ZNF567: variants seen among roughly 807,000 people sequenced by gnomAD.
ZNF567 encodes zinc finger protein 567.
In ZNF567, 36 loss-of-function variants were observed where a neutral mutation model predicts 53.9. The ratio of observed to expected loss-of-function variants is 0.67; its 90% confidence interval spans 0.51 to 0.88. ZNF567 has a LOEUF of 0.88. Ranked by LOEUF, ZNF567 falls within the 40% of genes least tolerant of loss-of-function variation. ZNF567 has a pLI of 0.00. For synonymous variants in ZNF567, 224 were observed against 260.4 expected (o/e 0.86, Z 1.35); for missense variants, 619 against 764.7 (o/e 0.81, Z 2.25).
intron 2 of ZNF567, among the ~76,000 whole-genome samples, chr19:36,693,525 T>G (rs2038727869): frequency 1.3e-5 from 2 of 152,176 alleles, no homozygotes; most frequent in African/African-American, 4.8e-5. Flanking sequence ...ATGTCAAAAC[T>G]TCCTTACATT....
chr19:36,680,834 T>C, the ZNF567 span, among the ~76,000 whole-genome samples: 4 of 152,180 alleles, frequency 2.6e-5, no homozygotes, highest in African/African-American at 7.2e-5. Flanking sequence ...CTGCCTCTTC[T>C]TCCTCTGTCT....
At chr19:36,722,840 ATAG>A (rs780481465), downstream of ZNF567, among the ~76,000 whole-genome samples, 13 of 152,334 alleles carry the variant, frequency 8.5e-5, no homozygotes, top group East Asian at 3.9e-4. Context: ...TTTAGACTTG[ATAG>A]TAGCACACAG....
chr19:36,671,233 G>C, the ZNF567 span, among the ~76,000 whole-genome samples: 6 of 152,210 alleles, frequency 3.9e-5, no homozygotes, highest in Non-Finnish European at 2.9e-5. Flanking sequence ...TTGCATGTCA[G>C]AGGATGGAAA....
upstream of ZNF567, chr19:36,685,413 C>T (rs1974100235): frequency 6.6e-6 from 1 of 152,152 alleles, no homozygotes; most frequent in African/African-American, 2.4e-5. Flanking sequence ...ACCCAGAAGT[C>T]AATGCCACAT....
the ZNF567 span, among the ~76,000 whole-genome samples, chr19:36,667,109 C>T: frequency 1.3e-5 from 2 of 152,162 alleles, no homozygotes; most frequent in Non-Finnish European, 2.9e-5. Flanking sequence ...CGGACTAACC[C>T]GGCTTCCCTT....
chr19:36,688,931 C>G (rs2038427287), intron 1 of ZNF567, among the ~76,000 whole-genome samples: 1 of 152,146 alleles, frequency 6.6e-6, no homozygotes. Flanking sequence ...AACCCCGTCT[C>G]TACTAAAAAA....
At chr19:36,693,921 G>A (rs766643428) in intron 2 of ZNF567, among the ~76,000 whole-genome samples, 5 of 152,182 alleles carry the variant, frequency 3.3e-5, no homozygotes, top group South Asian at 2.1e-4. Flanking sequence ...ATTTGGGGCC[G>A]GGCACAATGG....
chr19:36,684,583 C>T (rs1386311114), upstream of ZNF567, among the ~76,000 whole-genome samples: 1 of 152,156 alleles, frequency 6.6e-6, no homozygotes, highest in East Asian at 1.9e-4. Flanking sequence ...TTCCTCTTAT[C>T]AGTTGCCTCT....
chr19:36,724,745 G>GT (rs1438400145), downstream of ZNF567, among the ~76,000 whole-genome samples: 14 of 151,568 alleles, frequency 9.2e-5, no homozygotes, highest in Non-Finnish European at 1.3e-4. Context: ...CTACTTGGGA[G>GT]GCTGAGGCAG....
rs754653622 is a variant in ZNF567 at position 36,720,511 on chromosome 19, A to T, written c.1787A>T (p.Lys596Met). ...CCATATAAATGTAGTGAATGTGGAA[A>T]GTGCTTCCGCCAGAAGACAAATCTT... ...EKPYKCSECG[K>M]CFRQKTNLIV... The change falls in exon 6 of 6, where the codon AAG becomes ATG. Residue 596 changes from lysine (K) to methionine (M), a missense_variant. Transcript: ENST00000682579. The T allele has an allele frequency of 2.5e-6, 4 of 1,614,046 alleles. No homozygotes were observed. Among genetic ancestry groups the T allele is most frequent in the Non-Finnish European group, 3.4e-6 (4 of 1,180,024 alleles).
intron 3 of ZNF567, among the ~76,000 whole-genome samples, chr19:36,709,386 G>T (rs921499419): frequency 1.3e-5 from 2 of 152,062 alleles, no homozygotes; most frequent in African/African-American, 4.8e-5. Flanking sequence ...GAAAGGAAAT[G>T]AATATTTATA....
At chr19:36,687,878 G>A (rs2038339850) in intron 1 of ZNF567, among the ~76,000 whole-genome samples, 1 of 152,198 alleles carries the variant, frequency 6.6e-6, no homozygotes, top group Non-Finnish European at 1.5e-5. Flanking sequence ...CGAGGCGGGG[G>A]GTGAGCTCCC....
the ZNF567 span, among the ~76,000 whole-genome samples, chr19:36,678,344 G>C: frequency 0.022 from 3,368 of 152,188 alleles, 53 homozygotes; most frequent in Non-Finnish European, 0.035. Flanking sequence ...AGGAGGGAAG[G>C]ATTAGCCTTA....
At chr19:36,682,592 T>TTTA in the ZNF567 span, among the ~76,000 whole-genome samples, 60 of 144,322 alleles carry the variant, frequency 4.2e-4, no homozygotes, top group African/African-American at 1.2e-3. Flanking sequence ...TTTTTATTAT[T>TTTA]TTATTATTAT....
intron 5 of ZNF567, among the ~76,000 whole-genome samples, chr19:36,713,612 AAAAC>A (rs1171594787): frequency 6.6e-6 from 1 of 152,100 alleles, no homozygotes; most frequent in Admixed American, 6.5e-5. Context: ...CCCTGTCTCA[AAAAC>A]AAAAACAGAA....
At chr19:36,708,002 C>G (rs75888864) in intron 3 of ZNF567, among the ~76,000 whole-genome samples, 2,038 of 152,212 alleles carry the variant, frequency 0.013, 52 homozygotes, top group African/African-American at 0.046. Flanking sequence ...CTCAAGCGAT[C>G]CCCCCACCTC....
intron 5 of ZNF567, chr19:36,714,535 C>G (rs2039951449): frequency 2.5e-6 from 1 of 398,260 alleles, no homozygotes; most frequent in Admixed American, 4.4e-5. Context: ...TAGTGGTCCT[C>G]TCCTTACTTA....
At chr19:36,695,522 C>CAAAAAAA (rs2038840002) in intron 3 of ZNF567, among the ~76,000 whole-genome samples, 1 of 151,886 alleles carries the variant, frequency 6.6e-6, no homozygotes, top group Non-Finnish European at 1.5e-5. Context: ...AAGTGAGACT[C>CAAAAAAA]TATCTCAAAA....
At chr19:36,678,048 C>T in the ZNF567 span, among the ~76,000 whole-genome samples, 1 of 152,240 alleles carries the variant, frequency 6.6e-6, no homozygotes, top group South Asian at 2.1e-4. Flanking sequence ...TATACAGGAC[C>T]TTTTATCTCT....
Sources: gnomAD v4.1 joint callset for allele counts (sites outside exome capture counted in the v4.1 genomes callset) on GRCh38, gnomAD v4.1.1 for gene constraint, MANE v1.5 for transcripts, NCBI Gene and HGNC (gene_info 2026-07-23, HGNC 2026-07-21) for gene names.